The following SLC39A13 variants were observed in gnomAD, a reference collection of about 807,000 sequenced individuals.
The protein encoded by SLC39A13 is zinc transporter ZIP13.
Under a neutral mutation model 38.7 loss-of-function variants are expected in SLC39A13, and 18 were observed. That is an observed-to-expected ratio of 0.47 (90% CI 0.32 to 0.69). SLC39A13 has a LOEUF of 0.69. Among genes scored for constraint, SLC39A13 ranks in the 30% least tolerant of loss-of-function variants. SLC39A13 has a pLI of 0.03. For missense variants in SLC39A13, 395 were observed against 490.7 expected, an observed-to-expected ratio of 0.80 and a Z score of 1.84; for synonymous variants, 212 against 219.1, an observed-to-expected ratio of 0.97 and a Z score of 0.29.
intron 2 of SLC39A13, among the ~76,000 whole-genome samples, chr11:47,410,681 G>A (rs2095994469): frequency 6.6e-6 from 1 of 152,134 alleles, no homozygotes. Context: ...TTTGTACCAT[G>A]AGCATGTACT....
chr11:47,411,716 A>G (rs2096000185), intron 2 of SLC39A13, among the ~76,000 whole-genome samples: 1 of 152,370 alleles, frequency 6.6e-6, no homozygotes, highest in Non-Finnish European at 1.5e-5. Context: ...GGGAGCTGGG[A>G]CCTGTCAGCT....
chr11:47,413,744 C>G (rs757039895), intron 6 of SLC39A13, 58 bp downstream of exon 6: 1 of 1,568,004 alleles, frequency 6.4e-7, no homozygotes, highest in Non-Finnish European at 8.7e-7. Flanking sequence ...ATGTGGATTC[C>G]ACCTGTGTCT....
intron 6 of SLC39A13, chr11:47,414,082 C>T (rs979548904): frequency 6.2e-5 from 38 of 610,984 alleles, no homozygotes; most frequent in East Asian, 1.1e-4. Context: ...GAGCGGCTGA[C>T]GACTCATCCT....
intron 1 of SLC39A13, chr11:47,409,701 G>A (rs2095987334): frequency 7.6e-6 from 2 of 264,426 alleles, no homozygotes; most frequent in Admixed American, 1.0e-4. Context: ...CCTTAGAAGG[G>A]GTGCCTCAGT....
intron 8 of SLC39A13, 37 bp from the exon 9 acceptor site, chr11:47,415,002 G>A: frequency 6.2e-7 from 1 of 1,611,668 alleles, no homozygotes; most frequent in Admixed American, 1.7e-5. Flanking sequence ...CCCAGGCCCG[G>A]GAGGTGGGGA....
In SLC39A13 at chr11:47,415,355, G is replaced by A. The variant is rs772789507; in HGVS notation, c.1108G>A (p.Val370Met). The change falls in exon 10 of 10, where the codon GTG (valine) becomes ATG (methionine). Residue 370 changes from valine to methionine, a missense_variant. Val to Met is a conservative substitution (Grantham distance 21, BLOSUM62 1). Transcript: ENST00000362021. ...GGTAATGGTGCTGTTCTCGCTCTTC[G>A]TGGATTAACTTTCCCTGATGCCGAC... Reference protein sequence around the residue: ...IVVMVLFSLFVD With the variant: ...IVVMVLFSLFMD 24 of 1,613,916 alleles carry A rather than the reference G, an allele frequency of 1.5e-5. No homozygotes were observed. Among genetic ancestry groups the A allele is most frequent in the South Asian group, 5.5e-5 (5 of 91,088 alleles).
rs1466674289 is a variant in SLC39A13, at chr11:47,414,064, C to A, written c.736-361C>A. On this transcript the variant is annotated intron_variant, in intron 6 of 9. Transcript: ENST00000362021. The stretch of plus-strand genomic sequence containing the variant: ...CCCCTGCCTGGAATGTTCTCCCGCC[C>A]ACGCTTCGAGCGGCTGACGACTCAT... The A allele has an allele frequency of 1.1e-5, 7 of 614,768 alleles. No homozygotes were observed. In the Admixed American group the frequency reaches 2.0e-4, roughly 17 times the overall value. The allele number at this position is 614,768 out of a possible 1,614,324, so 38.1% of individuals were successfully genotyped here. A position where few individuals can be genotyped will look rare whatever the true frequency, so the allele number is the denominator to read the frequency against.
chr11:47,415,428 G>A lies in SLC39A13; in HGVS notation c.*65G>A, dbSNP rs142566815. ...AGATGCTCGGATTCACTCTGTGACC[G>A]CATATGTGAGAGGCAGAGAGGGCGA... On this transcript the variant is annotated 3_prime_UTR_variant, in exon 10 of 10. Coordinates refer to ENST00000362021, the MANE Select transcript of SLC39A13 (RefSeq NM_001128225.3). 7,178 of 1,564,536 alleles carry A rather than the reference G, an allele frequency of 4.6e-3. 23 individuals are homozygous for A. Among genetic ancestry groups the A allele is most frequent in the Middle Eastern group, 6.4e-3 (38 of 5,964 alleles).
intron 8 of SLC39A13, 51 bp downstream of exon 8, chr11:47,414,960 A>G (rs2096019054): frequency 6.2e-7 from 1 of 1,605,040 alleles, no homozygotes; most frequent in African/African-American, 1.3e-5. Flanking sequence ...GAGGGGCACC[A>G]GCCAAAGGGT....
chr11:47,414,389 A>C, intron 6 of SLC39A13, 36 bp from the exon 7 acceptor site: 1 of 1,593,728 alleles, frequency 6.3e-7, no homozygotes, highest in East Asian at 2.3e-5. Flanking sequence ...TCAGCCCTCA[A>C]CACAGACCCC....
intron 4 of SLC39A13, 70 bp from the exon 5 acceptor site, chr11:47,413,329 CT>C (rs2096008927): frequency 1.4e-6 from 2 of 1,475,376 alleles, no homozygotes; most frequent in Non-Finnish European, 1.9e-6. Context: ...CTCCATCTCT[CT>C]CCCCTTCTGT....
chr11:47,412,030 G>T lies in SLC39A13; in HGVS notation c.406G>T (p.Ala136Ser). ...LPEAWAYTCS[A>S]SPGGEGQSLQ... ...CGAAGCCTGGGCCTACACGTGCAGC[G>T]CCAGCCCTGGTAAGTGAGGCCACAC... is the stretch of plus-strand genomic sequence containing the variant. The change falls in exon 3 of 10, where the codon GCC (alanine) becomes TCC (serine). Residue 136 changes from alanine (A) to serine (S), a missense_variant. Coordinates refer to ENST00000362021, the MANE Select transcript of SLC39A13 (RefSeq NM_001128225.3). 2 of 1,609,198 alleles carry T rather than the reference G, an allele frequency of 1.2e-6. No homozygotes were observed. The highest frequency in any genetic ancestry group is 1.7e-6 in the Non-Finnish European group (2 of 1,178,108).
In SLC39A13 at chr11:47,415,958, G is replaced by A. The variant is rs932329706; in HGVS notation, c.*595G>A. On this transcript the variant is annotated 3_prime_UTR_variant, in exon 10 of 10. Transcript: ENST00000362021. ...AGCTCCTAGTAGTGAGCTGGGAGGC[G>A]CTTCCTAAGACCCTTTCCTCAGGGC... The A allele has an allele frequency of 2.4e-5, 4 of 165,558 alleles. No homozygotes were observed. Among genetic ancestry groups the A allele is most frequent in the African/African-American group, 7.2e-5 (3 of 41,706 alleles). 10.3% of individuals were successfully genotyped at this position (165,558 alleles called of 1,614,324 possible).
In SLC39A13 at chr11:47,412,460, C is replaced by T. The variant is rs1555136368; in HGVS notation, c.530C>T (p.Thr177Ile). Residue 177 changes from threonine (T) to isoleucine (I), a missense_variant, in exon 4 of 10, where the codon ACC becomes ATC. By Grantham distance (89) the Thr-to-Ile change is moderately conservative. Coordinates refer to ENST00000362021, the MANE Select transcript of SLC39A13 (RefSeq NM_001128225.3). ...TTCCTGGACAGCAAGGAGGAGGGGACCAGCCAGGTGGGCCCCACACTCAAG... is the reference window on the plus strand; with the variant it reads ...TTCCTGGACAGCAAGGAGGAGGGGATCAGCCAGGTGGGCCCCACACTCAAG... ...KMFLDSKEEG[T>I]SQAPNKDPTA... The T allele has an allele frequency of 4.3e-6, 7 of 1,614,164 alleles. No homozygotes were observed. Among genetic ancestry groups the T allele is most frequent in the Non-Finnish European group, 5.1e-6 (6 of 1,180,006 alleles).
chr11:47,412,837 C>T (rs1469015207), intron 4 of SLC39A13, among the ~76,000 whole-genome samples: 6 of 148,640 alleles, frequency 4.0e-5, no homozygotes, highest in East Asian at 2.0e-4. Context: ...TCGTGGCTCA[C>T]GGCAACCTCT....
At position 47,412,426 on chromosome 11, in the gene SLC39A13, GAGA is replaced by G. The variant is rs763342021; in HGVS notation, c.500_502del (p.Lys167del). ...TGGCATCCTGACCTTCCTGGCGTTG[GAGA>G]AGATGTTCCTGGACAGCAAGGAGGA... On this transcript the variant is annotated inframe_deletion, in exon 4 of 10. Coordinates refer to ENST00000362021, the MANE Select transcript of SLC39A13 (RefSeq NM_001128225.3). The G allele has an allele frequency of 6.2e-6, 10 of 1,614,230 alleles. No individual in the cohort carries two copies. The highest frequency in any genetic ancestry group is 2.2e-5 in the South Asian group (2 of 91,084).
upstream of SLC39A13, among the ~76,000 whole-genome samples, chr11:47,408,120 T>C (rs1303552721): frequency 6.6e-6 from 1 of 152,242 alleles, no homozygotes; most frequent in African/African-American, 2.4e-5. Flanking sequence ...CCCCTTTCCC[T>C]TGCTCATGGA....
rs1565668258 is a variant in SLC39A13, at chr11:47,414,917, C to CGTGGCGGGTGGTT, written c.919+20_919+32dup. On this transcript the variant is annotated intron_variant, in intron 8 of 9. Coordinates refer to ENST00000362021, the MANE Select transcript of SLC39A13 (RefSeq NM_001128225.3). Reference sequence around the variant, plus strand: ...AGTCCCCCAAGGGAGTAGGTACGGGCGTGGCGGGTGGTTGTGGCGGGTGGC... The same window carrying CGTGGCGGGTGGTT: ...AGTCCCCCAAGGGAGTAGGTACGGGCGTGGCGGGTGGTTGTGGCGGGTGGTTGTGGCGGGTGGC... The CGTGGCGGGTGGTT allele has an allele frequency of 1.9e-6, 3 of 1,611,080 alleles. No individual in the cohort carries two copies. The highest frequency in any genetic ancestry group is 2.5e-6 in the Non-Finnish European group (3 of 1,179,048).
At chr11:47,414,980 G>A (rs11039228) in intron 8 of SLC39A13, 59 bp from the exon 9 acceptor site, 2 of 1,609,476 alleles carry the variant, frequency 1.2e-6, no homozygotes, top group East Asian at 4.5e-5. Flanking sequence ...TGTGGCTACC[G>A]CACTGCTGGT....
Sources: allele counts gnomAD v4.1 joint callset (sites outside exome capture counted in the v4.1 genomes callset), GRCh38; gene constraint gnomAD v4.1.1; transcripts MANE v1.5; gene names NCBI Gene and HGNC (gene_info 2026-07-23, HGNC 2026-07-21).